RGS6: variants seen among roughly 807,000 people sequenced by gnomAD.
The protein encoded by RGS6 is regulator of G protein signaling 6, also known as regulator of G-protein signaling 6.
RGS6 carries 30 observed loss-of-function variants against 78.5 expected under a neutral mutation model. The ratio of observed to expected loss-of-function variants is 0.38; its 90% CI spans 0.29 to 0.52. The LOEUF (loss-of-function observed/expected upper bound fraction) is 0.52, where lower values mean the gene tolerates loss of function less well. Among genes scored for constraint, RGS6 ranks in the 20% least tolerant of loss-of-function variants. The pLI is 0.85. For missense variants in RGS6, 495 were observed against 609.7 expected (o/e 0.81, Z 1.98); for synonymous variants, 206 against 206.0 (o/e 1.00, Z 0.00).
intron 2 of RGS6, among the ~76,000 whole-genome samples, chr14:71,982,796 T>C (rs2094527025): frequency 6.6e-6 from 1 of 152,234 alleles, no homozygotes; most frequent in Non-Finnish European, 1.5e-5. Context: ...TTGGTTGCTT[T>C]TCAGTGCCCT....
intron 13 of RGS6, among the ~76,000 whole-genome samples, chr14:72,502,804 C>T (rs1235857420): frequency 6.6e-6 from 1 of 152,048 alleles, no homozygotes; most frequent in Non-Finnish European, 1.5e-5. Context: ...AGTAACTGGA[C>T]CACTCTTCAT....
At chr14:72,240,686 G>A (rs1484387998) in intron 2 of RGS6, among the ~76,000 whole-genome samples, 1 of 152,002 alleles carries the variant, frequency 6.6e-6, no homozygotes, top group African/African-American at 2.4e-5. Flanking sequence ...AAGAGTTTGG[G>A]GTTTTTATTT....
intron 3 of RGS6, among the ~76,000 whole-genome samples, chr14:72,378,472 AAAAG>A (rs2085284873): frequency 6.6e-6 from 1 of 152,222 alleles, no homozygotes; most frequent in Middle Eastern, 3.4e-3. Context: ...CACAATGAAA[AAAAG>A]AGAAGACTCA....
chr14:72,486,719 T>C (rs901924802), intron 12 of RGS6, among the ~76,000 whole-genome samples: 1 of 152,198 alleles, frequency 6.6e-6, no homozygotes, highest in Non-Finnish European at 1.5e-5. Flanking sequence ...GCTTAGATCT[T>C]ATCCTATGTG....
At chr14:71,875,837 A>G in the RGS6 span, among the ~76,000 whole-genome samples, 1 of 152,142 alleles carries the variant, frequency 6.6e-6, no homozygotes, top group African/African-American at 2.4e-5. Context: ...AGATTCTTGT[A>G]TGTTGTGTCT....
chr14:71,963,638 C>T (rs73291246), intron 1 of RGS6, among the ~76,000 whole-genome samples: 25,578 of 152,194 alleles, frequency 0.17, 2,367 homozygotes, highest in Non-Finnish European at 0.21. Flanking sequence ...TTACACTTAG[C>T]GTGTTTTCAC....
At chr14:72,096,822 G>C (rs192645374) in intron 2 of RGS6, among the ~76,000 whole-genome samples, 4 of 152,170 alleles carry the variant, frequency 2.6e-5, no homozygotes, top group Non-Finnish European at 5.9e-5. Context: ...CCAGATGAAG[G>C]GGCAAGTTCC....
chr14:71,987,899 A>C (rs1208561501), intron 2 of RGS6, among the ~76,000 whole-genome samples: 2 of 150,384 alleles, frequency 1.3e-5, no homozygotes, highest in African/African-American at 2.4e-5. Context: ...TCCATCTGGC[A>C]TAGTAGAAGA....
At position 72,458,269 on chromosome 14, in the gene RGS6, A is replaced by G; in HGVS notation, c.236-2A>G. On this transcript the variant is annotated splice_acceptor_variant, in intron 4 of 17. Transcript: ENST00000553525. LOFTEE classifies it high-confidence loss of function. ...TTCTCTCTCTATGCACTGTTCTTAC[A>G]GTTGAAGCAATACACTTGGGGAGCC... 6.2e-7 allele frequency: 1 copy of G among 1,610,248 alleles called. No individual in the cohort carries two copies.
rs1349763769 is a variant in RGS6, at chr14:72,052,924, T to TC, written c.84+88049_84+88050insC. ...TGCACATGTTCAGAGTTTCATTGTA[T>TC]TTTTCTTTCTTTCTTTCTTTCTTTC... On this transcript the variant is annotated intron_variant, in intron 2 of 17. Transcript: ENST00000553525. 1.3e-4 allele frequency among the ~76,000 whole-genome samples: 19 copies of TC among 147,926 alleles called. No homozygotes were observed. In the East Asian group the frequency reaches 1.6e-3, roughly 13 times the overall value.
At chr14:71,958,561 A>G (rs983558895) in intron 1 of RGS6, among the ~76,000 whole-genome samples, 2 of 152,198 alleles carry the variant, frequency 1.3e-5, no homozygotes, top group Non-Finnish European at 2.9e-5. Flanking sequence ...CAGCACTTAA[A>G]TGATATAGCC....
intron 2 of RGS6, among the ~76,000 whole-genome samples, chr14:72,062,890 G>T (rs891827295): frequency 2.6e-5 from 4 of 152,154 alleles, no homozygotes; most frequent in African/African-American, 7.2e-5. Flanking sequence ...ACAGTAGCAC[G>T]ATCTCAACTC....
intron 2 of RGS6, among the ~76,000 whole-genome samples, chr14:72,143,257 C>T (rs1350189472): frequency 6.6e-6 from 1 of 151,978 alleles, no homozygotes; most frequent in Non-Finnish European, 1.5e-5. Flanking sequence ...TCTGTAATCC[C>T]AGCTGCTCGG....
intron 17 of RGS6, chr14:72,541,644 G>C: frequency 6.5e-7 from 1 of 1,533,522 alleles, no homozygotes; most frequent in Non-Finnish European, 8.7e-7. Flanking sequence ...ATCTCTCTCT[G>C]TTTGTCTCTT....
intron 2 of RGS6, among the ~76,000 whole-genome samples, chr14:71,999,126 C>G (rs554717650): frequency 2.7e-4 from 41 of 152,252 alleles, no homozygotes; most frequent in African/African-American, 7.5e-4. Flanking sequence ...GCCTAAAGGC[C>G]ACAGTTTATT....
chr14:72,351,049 C>G (rs2079027820), intron 2 of RGS6, among the ~76,000 whole-genome samples: 1 of 152,130 alleles, frequency 6.6e-6, no homozygotes, highest in Non-Finnish European at 1.5e-5. Flanking sequence ...CATCAAGTTG[C>G]AATCATAGTA....
chr14:72,580,442 G>C, the RGS6 span, among the ~76,000 whole-genome samples: 1 of 152,052 alleles, frequency 6.6e-6, no homozygotes, highest in Admixed American at 6.6e-5. Flanking sequence ...TGAGGCTGAT[G>C]GTCCCCAGAA....
At chr14:72,193,438 C>A (rs2039218318) in intron 2 of RGS6, among the ~76,000 whole-genome samples, 1 of 152,178 alleles carries the variant, frequency 6.6e-6, no homozygotes. Flanking sequence ...TTGAGCACGA[C>A]CTCAGGAATC....
At chr14:71,954,500 T>C (rs1175267048) in intron 1 of RGS6, among the ~76,000 whole-genome samples, 3 of 152,202 alleles carry the variant, frequency 2.0e-5, no homozygotes, top group African/African-American at 7.2e-5. Flanking sequence ...GATATCTTGA[T>C]ACAGGTATGC....
Sources: allele counts gnomAD v4.1 joint callset (sites outside exome capture counted in the v4.1 genomes callset), GRCh38; gene constraint gnomAD v4.1.1; transcripts MANE v1.5; gene names NCBI Gene and HGNC (gene_info 2026-07-23, HGNC 2026-07-21).